PRKN: variants seen among roughly 807,000 people sequenced by gnomAD.
PRKN encodes E3 ubiquitin-protein ligase parkin.
In PRKN, 56 loss-of-function variants were observed where a neutral mutation model predicts 59.5. The observed-to-expected ratio is 0.94, with a 90% CI of 0.76 to 1.18. The LOEUF (loss-of-function observed/expected upper bound fraction) is 1.18. PRKN is among the 50% of genes most tolerant of loss of function. The probability of loss-of-function intolerance (pLI) is 0.00; values close to 1 mark genes in which losing one functional copy is unlikely to be tolerated. For synonymous variants in PRKN, 250 were observed against 222.1 expected (o/e 1.13, Z -1.12); for missense variants, 657 against 596.4 (o/e 1.10, Z -1.06).
At chr6:162,567,737 A>C (rs540938916) in intron 1 of PRKN, among the ~76,000 whole-genome samples, 13 of 152,364 alleles carry the variant, frequency 8.5e-5, no homozygotes, top group Admixed American at 5.9e-4. Flanking sequence ...AATGCCAATG[A>C]CATTCTTCTG....
At chr6:161,720,864 A>G (rs1018462) in intron 7 of PRKN, among the ~76,000 whole-genome samples, 63,864 of 151,982 alleles carry the variant, frequency 0.42, 15,731 homozygotes, top group African/African-American at 0.69. Flanking sequence ...TGTTGTTCTC[A>G]ATCAGTTCTA....
chr6:161,738,244 C>A (rs901102054), intron 7 of PRKN, among the ~76,000 whole-genome samples: 4 of 152,106 alleles, frequency 2.6e-5, no homozygotes, highest in African/African-American at 9.7e-5. Flanking sequence ...GTGTCTTTCT[C>A]AGGAATTTAA....
intron 2 of PRKN, among the ~76,000 whole-genome samples, chr6:162,295,403 A>G (rs1339302827): frequency 6.6e-6 from 1 of 152,172 alleles, no homozygotes; most frequent in African/African-American, 2.4e-5. Flanking sequence ...GTCTATATTT[A>G]CACAAAAGGC....
At chr6:162,034,070 T>C (rs1783743566) in intron 5 of PRKN, among the ~76,000 whole-genome samples, 1 of 151,334 alleles carries the variant, frequency 6.6e-6, no homozygotes, top group South Asian at 2.1e-4. Flanking sequence ...TTATGAAAAA[T>C]AAAGGGGAGC....
At chr6:162,094,273 T>G (rs564330839) in intron 4 of PRKN, among the ~76,000 whole-genome samples, 17 of 152,166 alleles carry the variant, frequency 1.1e-4, no homozygotes, top group African/African-American at 4.1e-4. Flanking sequence ...GAGGACTGCA[T>G]GAGCCCAGGA....
intron 2 of PRKN, among the ~76,000 whole-genome samples, chr6:162,381,390 T>C (rs571013757): frequency 2.6e-5 from 4 of 152,334 alleles, no homozygotes; most frequent in African/African-American, 9.6e-5. Context: ...ATTTTTGAGA[T>C]GAACTGGCAG....
At chr6:162,411,155 G>A (rs1417348450) in intron 2 of PRKN, among the ~76,000 whole-genome samples, 1 of 152,042 alleles carries the variant, frequency 6.6e-6, no homozygotes, top group Non-Finnish European at 1.5e-5. Flanking sequence ...TACGTTGCAG[G>A]GATGTTTTAA....
chr6:162,589,504 T>A (rs1275591756), intron 1 of PRKN, among the ~76,000 whole-genome samples: 2 of 151,472 alleles, frequency 1.3e-5, no homozygotes, highest in Non-Finnish European at 2.9e-5. Flanking sequence ...ATAAGTACAC[T>A]TTTTTTTTGT....
At chr6:162,642,787 A>T (rs915654998) in intron 1 of PRKN, among the ~76,000 whole-genome samples, 10 of 151,966 alleles carry the variant, frequency 6.6e-5, no homozygotes, top group Non-Finnish European at 1.5e-4. Flanking sequence ...ACCTCATGTG[A>T]AGTCTTAAAT....
At chr6:162,242,439 A>C (rs1779023502) in intron 3 of PRKN, among the ~76,000 whole-genome samples, 1 of 152,162 alleles carries the variant, frequency 6.6e-6, no homozygotes, top group South Asian at 2.1e-4. Flanking sequence ...GACATATGCT[A>C]TTGAAGTAAT....
intron 7 of PRKN, among the ~76,000 whole-genome samples, chr6:161,767,539 A>G (rs1324983308): frequency 2.0e-5 from 3 of 151,902 alleles, no homozygotes; most frequent in African/African-American, 7.3e-5. Context: ...ACAAAAACCA[A>G]TCAGCATGGC....
chr6:161,368,741 C>T (rs1351574014), intron 10 of PRKN, among the ~76,000 whole-genome samples: 2 of 151,684 alleles, frequency 1.3e-5, no homozygotes, highest in African/African-American at 4.8e-5. Flanking sequence ...CTGCCCTGGG[C>T]CATCGCTGCT....
rs528783209 is a variant in PRKN at position 162,160,715 on chromosome 6, A to G, written c.534+40416T>C. On this transcript the variant is annotated intron_variant, in intron 4 of 11. Transcript: ENST00000366898. ...AACAAACAAAAACCCTGCCTAAATC[A>G]GATGGCTGTCCTGGGACTCAAGGAA... is the stretch of plus-strand genomic sequence containing the variant. Among the ~76,000 whole-genome samples the G allele has an allele frequency of 2.6e-5, 4 of 152,072 alleles. No homozygotes were observed. The South Asian group carries it at 8.3e-4, about 32-fold the overall frequency.
At chr6:162,439,983 C>T (rs1487277552) in intron 2 of PRKN, among the ~76,000 whole-genome samples, 1 of 152,102 alleles carries the variant, frequency 6.6e-6, no homozygotes, top group Non-Finnish European at 1.5e-5. Flanking sequence ...AACTCCATGA[C>T]TCCACGAGTC....
chr6:162,506,339 T>A, intron 1 of PRKN, among the ~76,000 whole-genome samples: 1 of 151,210 alleles, frequency 6.6e-6, no homozygotes, highest in Admixed American at 6.6e-5. Flanking sequence ...CAAGAGAGTT[T>A]TACAATGGAA....
At chr6:162,553,199 T>A (rs1779399584) in intron 1 of PRKN, among the ~76,000 whole-genome samples, 1 of 152,132 alleles carries the variant, frequency 6.6e-6, no homozygotes, top group Non-Finnish European at 1.5e-5. Context: ...AGGAACAACC[T>A]CTTTGATGAG....
At position 162,443,378 on chromosome 6, in the gene PRKN, CCT is replaced by C. The variant is rs55777503; in HGVS notation, c.101_102del (p.Gln34ArgfsTer5). The C allele has an allele frequency of 3.4e-4, 543 of 1,613,910 alleles. No individual in the cohort carries two copies. Among genetic ancestry groups the C allele is most frequent in the Non-Finnish European group, 4.1e-4 (478 of 1,180,038 alleles). On this transcript the variant is annotated frameshift_variant, in exon 2 of 12. Transcript: ENST00000366898. LOFTEE classifies it high-confidence loss of function. Reference sequence around the variant, plus strand: ...ACACGCAACTGGTCAGCCGGAACCCCCTGTCGCTTAGCAACCACCTCCTTGAG... The same window carrying C: ...ACACGCAACTGGTCAGCCGGAACCCCGTCGCTTAGCAACCACCTCCTTGAG... ...FQLKEVVAKR[Q>X]GVPADQLRVI... is the part of the protein sequence containing the mutation.
At chr6:162,643,824 T>C (rs1778062324) in intron 1 of PRKN, 1 of 152,214 alleles carries the variant, frequency 6.6e-6, no homozygotes, top group African/African-American at 2.4e-5. Context: ...TTTAATAATT[T>C]AGTTCAGTTA....
chr6:161,590,000 G>A (rs979642931), intron 7 of PRKN, among the ~76,000 whole-genome samples: 2 of 151,434 alleles, frequency 1.3e-5, no homozygotes, highest in African/African-American at 4.9e-5. Flanking sequence ...TGTTGGCCAG[G>A]CTCGTTTTGA....
Sources: gnomAD v4.1 joint callset for allele counts (sites outside exome capture counted in the v4.1 genomes callset) on GRCh38, gnomAD v4.1.1 for gene constraint, MANE v1.5 for transcripts, NCBI Gene and HGNC (gene_info 2026-07-23, HGNC 2026-07-21) for gene names.